Variants in PCDHGB1 observed in about 807,000 individuals in gnomAD.
PCDHGB1 encodes protocadherin gamma-B1.
In PCDHGB1, 34 loss-of-function variants were observed where a neutral mutation model predicts 56.6. The observed-to-expected ratio is 0.60, with a 90% CI of 0.46 to 0.80. The LOEUF (loss-of-function observed/expected upper bound fraction) is 0.80. PCDHGB1 is among the 30% of genes least tolerant of loss of function. PCDHGB1 has a pLI of 0.00. For missense variants in PCDHGB1, 1,278 were observed against 1,204.6 expected, an observed-to-expected ratio of 1.06 and a Z score of -0.90; for synonymous variants, 561 against 505.9, an observed-to-expected ratio of 1.11 and a Z score of -1.46.
chr5:141,357,261 G>GAGATAGAGT, intron 1 of PCDHGB1: 2 of 1,613,714 alleles, frequency 1.2e-6, no homozygotes, highest in East Asian at 4.5e-5. Flanking sequence ...CAGACGACTC[G>GAGATAGAGT]GGCCTCACAC....
chr5:141,389,894 G>A (rs754241365), intron 1 of PCDHGB1: 56 of 1,613,970 alleles, frequency 3.5e-5, no homozygotes, highest in Non-Finnish European at 4.7e-5. Flanking sequence ...AGGAGGTGCT[G>A]CCGGATATCA....
At chr5:141,372,376 AC>A (rs1371288225) in intron 1 of PCDHGB1, 1 of 1,613,960 alleles carries the variant, frequency 6.2e-7, no homozygotes, top group Admixed American at 1.7e-5. Flanking sequence ...GTCATGCTGC[AC>A]CTAATCTTCG....
At chr5:141,376,483 G>T (rs139873493) in intron 1 of PCDHGB1, 17,785 of 1,614,172 alleles carry the variant, frequency 0.011, 127 homozygotes, top group Non-Finnish European at 0.012. Context: ...TACTTGAAAC[G>T]AAAGGAGAAC....
At chr5:141,384,337 G>C (rs370533196) in intron 1 of PCDHGB1, 2 of 1,613,832 alleles carry the variant, frequency 1.2e-6, no homozygotes, top group Non-Finnish European at 1.7e-6. Flanking sequence ...ACAGGACCAC[G>C]ACAGTGAGGA....
intron 1 of PCDHGB1, chr5:141,420,154 T>C (rs2096470856): frequency 2.5e-6 from 4 of 1,613,948 alleles, no homozygotes; most frequent in Non-Finnish European, 2.5e-6. Flanking sequence ...ATCCAGAATT[T>C]AATTTTTTCA....
intron 1 of PCDHGB1, among the ~76,000 whole-genome samples, chr5:141,443,858 T>C (rs1325927807): frequency 6.6e-6 from 1 of 152,162 alleles, no homozygotes; most frequent in Non-Finnish European, 1.5e-5. Context: ...GTCTGAAAAC[T>C]GAAAAAATTA....
Position 141,427,920 on chromosome 5 carries a change from C to T in PCDHGB1, c.2410-66887C>T, listed in dbSNP as rs552823212. The T allele has an allele frequency of 3.8e-6, 6 of 1,579,506 alleles. No homozygotes were observed. In the African/African-American group the frequency reaches 4.0e-5, roughly 11 times the overall value. On this transcript the variant is annotated intron_variant, in intron 1 of 3. Transcript: ENST00000523390. The stretch of plus-strand genomic sequence containing the variant: ...GCCCGCGCTCAGCGCCAACATGAGC[C>T]GGCGCATGTTGGTGGGCGACCTCAA...
chr5:141,418,350 T>A, intron 1 of PCDHGB1: 1 of 1,614,002 alleles, frequency 6.2e-7, no homozygotes, highest in Non-Finnish European at 8.5e-7. Context: ...GATATTAGTA[T>A]GAATTCGCTG....
chr5:141,380,058 C>G (rs1231461261), intron 1 of PCDHGB1, among the ~76,000 whole-genome samples: 1 of 151,888 alleles, frequency 6.6e-6, no homozygotes, highest in Non-Finnish European at 1.5e-5. Flanking sequence ...TGCCACCATG[C>G]CTAGCTAATT....
chr5:141,355,534 G>A (rs1759890654), intron 1 of PCDHGB1: 2 of 1,613,944 alleles, frequency 1.2e-6, no homozygotes, highest in Non-Finnish European at 1.7e-6. Flanking sequence ...TCTTCTAGAA[G>A]ATACAGTGAA....
intron 1 of PCDHGB1, chr5:141,413,439 G>A (rs747331348): frequency 1.1e-4 from 179 of 1,613,988 alleles, no homozygotes; most frequent in Non-Finnish European, 1.4e-4. Flanking sequence ...GCGGCAGCTT[G>A]ATCACCGCGG....
intron 1 of PCDHGB1, chr5:141,388,789 T>G: frequency 1.9e-6 from 3 of 1,613,948 alleles, no homozygotes; most frequent in Non-Finnish European, 2.5e-6. Flanking sequence ...ATTACTGTTT[T>G]AAATACATTA....
intron 1 of PCDHGB1, chr5:141,413,373 C>T (rs1421093311): frequency 1.2e-6 from 2 of 1,613,946 alleles, no homozygotes; most frequent in Non-Finnish European, 1.7e-6. Flanking sequence ...TGGCGGAGCG[C>T]GGAGTCCGCA....
intron 1 of PCDHGB1, chr5:141,356,709 C>T (rs1760315750): frequency 1.9e-6 from 3 of 1,613,998 alleles, no homozygotes; most frequent in African/African-American, 2.7e-5. Context: ...CTCTGTCCTC[C>T]TATGTCTCCA....
chr5:141,389,991 G>T (rs561094692), intron 1 of PCDHGB1: 2 of 1,614,016 alleles, frequency 1.2e-6, no homozygotes, highest in African/African-American at 2.7e-5. Flanking sequence ...GCTCTTCCTC[G>T]TGGCCATGAT....
At chr5:141,463,650 A>G (rs1206605758) in intron 1 of PCDHGB1, among the ~76,000 whole-genome samples, 1 of 151,746 alleles carries the variant, frequency 6.6e-6, no homozygotes, top group South Asian at 2.1e-4. Flanking sequence ...ACGGGGTTTC[A>G]CCGTGTTAGC....
In PCDHGB1 at chr5:141,491,406, C is replaced by G. The variant is rs773729429; in HGVS notation, c.2410-3401C>G. On this transcript the variant is annotated intron_variant, in intron 1 of 3. Transcript: ENST00000523390. This position sits in a 1 kb window ranked among gnomAD's most constrained non-coding sequence, Gnocchi z 6.9. ...CGAAGTGCCTTCAGGGAAACGCAGA[C>G]GGGGACGGGGGTGGAGGGCAGTGCT... 9 of 1,613,978 alleles carry G rather than the reference C, an allele frequency of 5.6e-6. No homozygotes were observed.
intron 1 of PCDHGB1, chr5:141,403,145 C>T (rs749236674): frequency 2.5e-6 from 4 of 1,613,920 alleles, no homozygotes; most frequent in African/African-American, 1.3e-5. Flanking sequence ...GCGCCGAGTC[C>T]GCATCGTCTC....
At chr5:141,365,311 T>C in intron 1 of PCDHGB1, 1 of 1,613,980 alleles carries the variant, frequency 6.2e-7, no homozygotes, top group Non-Finnish European at 8.5e-7. Flanking sequence ...GAGGCGCTCT[T>C]GTTGCCAGCG....
Sources: allele counts gnomAD v4.1 joint callset (sites outside exome capture counted in the v4.1 genomes callset), GRCh38; gene constraint gnomAD v4.1.1; non-coding constraint Gnocchi (gnomAD v3.1); transcripts MANE v1.5; gene names NCBI Gene and HGNC (gene_info 2026-07-23, HGNC 2026-07-21).